Variants in STPG2 observed in about 807,000 individuals in gnomAD.
STPG2 encodes sperm-tail PG-rich repeat-containing protein 2.
STPG2 carries 56 observed loss-of-function variants against 54.2 expected under a neutral mutation model. That is an observed-to-expected ratio of 1.03 (90% CI 0.83 to 1.29). The LOEUF (loss-of-function observed/expected upper bound fraction) is 1.29, where lower values mean the gene tolerates loss of function less well. Among genes scored for constraint, STPG2 ranks in the 50% most tolerant of loss-of-function variants. The pLI is 0.00. For synonymous variants in STPG2, 200 were observed against 181.8 expected, an observed-to-expected ratio of 1.10 and a Z score of -0.81; for missense variants, 596 against 544.9, an observed-to-expected ratio of 1.09 and a Z score of -0.93.
At chr4:97,633,199 C>A (rs758966090) in intron 10 of STPG2, among the ~76,000 whole-genome samples, 4 of 151,948 alleles carry the variant, frequency 2.6e-5, no homozygotes, top group Non-Finnish European at 5.9e-5. Flanking sequence ...AAGGACTTGC[C>A]ATTGGATGAC....
intron 9 of STPG2, among the ~76,000 whole-genome samples, chr4:97,833,611 A>G (rs2149114634): frequency 6.6e-6 from 1 of 152,336 alleles, no homozygotes; most frequent in South Asian, 2.1e-4. Context: ...TATCCATCTG[A>G]CAAAGGGCTA....
At chr4:98,077,226 T>TTTTTGC (rs1304084834) in intron 5 of STPG2, among the ~76,000 whole-genome samples, 74 of 2,886 alleles carry the variant, frequency 0.026, no homozygotes, top group Middle Eastern at 0.5. Flanking sequence ...CTCAATAGTT[T>TTTTTGC]TGTTGTTGTT....
At chr4:97,689,915 A>G (rs1376359816) in intron 10 of STPG2, among the ~76,000 whole-genome samples, 1 of 152,066 alleles carries the variant, frequency 6.6e-6, no homozygotes, top group African/African-American at 2.4e-5. Flanking sequence ...CCATAATTTT[A>G]TGTTGCATAA....
chr4:97,760,163 C>G (rs1158080819), intron 9 of STPG2, among the ~76,000 whole-genome samples: 1 of 152,092 alleles, frequency 6.6e-6, no homozygotes, highest in East Asian at 1.9e-4. Flanking sequence ...AAGCTTTTTT[C>G]ACAATTTATT....
chr4:97,836,856 TG>T (rs1728650502), intron 9 of STPG2, among the ~76,000 whole-genome samples: 1 of 149,230 alleles, frequency 6.7e-6, no homozygotes, highest in South Asian at 2.1e-4. Flanking sequence ...AATTAATAAA[TG>T]ATAATTAATA....
At chr4:97,644,991 G>T (rs1413947236) in intron 10 of STPG2, among the ~76,000 whole-genome samples, 1 of 151,992 alleles carries the variant, frequency 6.6e-6, no homozygotes, top group East Asian at 1.9e-4. Context: ...AAATTGCATG[G>T]CTCAGCAGTA....
At chr4:97,794,987 T>C (rs1305410161) in intron 9 of STPG2, among the ~76,000 whole-genome samples, 1 of 152,146 alleles carries the variant, frequency 6.6e-6, no homozygotes, top group African/African-American at 2.4e-5. Context: ...AAGCTTGTAA[T>C]AATACACAGA....
At chr4:97,596,402 T>C (rs940324045) in intron 10 of STPG2, among the ~76,000 whole-genome samples, 1 of 152,092 alleles carries the variant, frequency 6.6e-6, no homozygotes, top group African/African-American at 2.4e-5. Flanking sequence ...AACTTGACAC[T>C]TGACCAAGCT....
At chr4:98,093,937 G>A (rs1738766246) in intron 5 of STPG2, among the ~76,000 whole-genome samples, 1 of 152,216 alleles carries the variant, frequency 6.6e-6, no homozygotes, top group African/African-American at 2.4e-5. Context: ...TACACGGAGT[G>A]AAGTGCTCTG....
chr4:97,442,851 G>T (rs878867736), intron 4 of STPG2, among the ~76,000 whole-genome samples: 2 of 152,038 alleles, frequency 1.3e-5, no homozygotes, highest in Non-Finnish European at 2.9e-5. Context: ...CCTTAAAAGG[G>T]TGTGTGCTTT....
At chr4:98,038,311 A>G (rs1736835906) in intron 5 of STPG2, among the ~76,000 whole-genome samples, 1 of 152,156 alleles carries the variant, frequency 6.6e-6, no homozygotes, top group Admixed American at 6.6e-5. Flanking sequence ...TCCATTTGAT[A>G]CAAGATTTGT....
intron 10 of STPG2, among the ~76,000 whole-genome samples, chr4:97,606,590 A>G (rs1447617804): frequency 6.6e-6 from 1 of 151,990 alleles, no homozygotes; most frequent in Non-Finnish European, 1.5e-5. Context: ...AGTTTGAGTC[A>G]TTCACTGGCT....
intron 9 of STPG2, among the ~76,000 whole-genome samples, chr4:97,722,059 C>A (rs1286746835): frequency 6.9e-6 from 1 of 144,918 alleles, no homozygotes; most frequent in Non-Finnish European, 1.5e-5. Context: ...TCCCCCTCCC[C>A]TCCTTTTTTT....
At chr4:97,444,537 A>G (rs1397643057) in intron 4 of STPG2, among the ~76,000 whole-genome samples, 2 of 152,222 alleles carry the variant, frequency 1.3e-5, no homozygotes, top group African/African-American at 2.4e-5. Flanking sequence ...CAGCAAAAAT[A>G]TCCTTCAAAA....
intron 10 of STPG2, among the ~76,000 whole-genome samples, chr4:97,614,396 C>A (rs1391239959): frequency 1.3e-5 from 2 of 151,750 alleles, no homozygotes; most frequent in East Asian, 1.9e-4. Flanking sequence ...GAAATTCTTG[C>A]AGAAGGAATG....
At chr4:98,001,939 A>G (rs1028255691) in intron 5 of STPG2, among the ~76,000 whole-genome samples, 2 of 152,150 alleles carry the variant, frequency 1.3e-5, no homozygotes, top group African/African-American at 2.4e-5. Flanking sequence ...GCTCTTTAAT[A>G]TCTTAGAGTA....
rs765802299 is a variant in STPG2, at chr4:97,943,936, G to C, written c.1005C>G (p.Phe335Leu). The change falls in exon 8 of 11, where the codon TTC becomes TTG. Residue 335 changes from phenylalanine to leucine, a missense_variant. Coordinates refer to ENST00000295268, the MANE Select transcript of STPG2 (RefSeq NM_174952.3). ...TCATAGTTCTTTTGGCTCTTGACAA[G>C]AAAGCAGCATATTTGTTAGTCAAGT... is the stretch of plus-strand genomic sequence containing the variant. ...LPNLTNKYAA[F>L]LSRAKRTMKV... 7 of 1,593,838 alleles carry C rather than the reference G, an allele frequency of 4.4e-6. No homozygotes were observed. The highest frequency in any genetic ancestry group is 1.8e-5 in the Admixed American group (1 of 54,666).
intron 4 of STPG2, among the ~76,000 whole-genome samples, chr4:97,527,448 C>A (rs1468850966): frequency 6.6e-6 from 1 of 152,134 alleles, no homozygotes; most frequent in African/African-American, 2.4e-5. Context: ...GCAAACAGTG[C>A]TGAAATAAAC....
intron 9 of STPG2, among the ~76,000 whole-genome samples, chr4:97,722,797 A>ATT (rs11316033): frequency 0.056 from 6,892 of 122,616 alleles, 740 homozygotes; most frequent in African/African-American, 0.2. Context: ...GTCTCTGCCA[A>ATT]TTTTTTTTTT....
Sources: gnomAD v4.1 joint callset for allele counts (sites outside exome capture counted in the v4.1 genomes callset) on GRCh38, gnomAD v4.1.1 for gene constraint, MANE v1.5 for transcripts, NCBI Gene and HGNC (gene_info 2026-07-23, HGNC 2026-07-21) for gene names.